The following EPN2 variants were observed in gnomAD, a reference collection of about 807,000 sequenced individuals.
EPN2 encodes epsin-2.
A neutral mutation model predicts 61.7 loss-of-function variants in EPN2; 34 were observed. That is an observed-to-expected ratio of 0.55 (90% confidence interval 0.42 to 0.73). The LOEUF is 0.73. Ranked by LOEUF, EPN2 falls within the 30% of genes least tolerant of loss-of-function variation. EPN2 has a pLI of 0.00. For synonymous variants in EPN2, 349 were observed against 353.6 expected, an observed-to-expected ratio of 0.99 and a Z score of 0.15; for missense variants, 714 against 839.2, an observed-to-expected ratio of 0.85 and a Z score of 1.84.
At chr17:19,295,968 T>TC (rs1301566854) in intron 4 of EPN2, among the ~76,000 whole-genome samples, 5 of 152,034 alleles carry the variant, frequency 3.3e-5, no homozygotes, top group African/African-American at 9.7e-5. Flanking sequence ...TAGGCAACAC[T>TC]CCAACTTGGA....
intron 1 of EPN2, among the ~76,000 whole-genome samples, chr17:19,259,919 G>A (rs2045122648): frequency 6.6e-6 from 1 of 152,232 alleles, no homozygotes; most frequent in African/African-American, 2.4e-5. Flanking sequence ...TGCTTGGAAT[G>A]TGCTTTGCCT....
At chr17:19,266,614 G>A (rs1348291234) in intron 1 of EPN2, among the ~76,000 whole-genome samples, 1 of 151,802 alleles carries the variant, frequency 6.6e-6, no homozygotes, top group African/African-American at 2.4e-5. Context: ...GTGTTAGCCA[G>A]GATGGTTTCG....
At chr17:19,263,496 A>T (rs1050488446) in intron 1 of EPN2, among the ~76,000 whole-genome samples, 2 of 152,214 alleles carry the variant, frequency 1.3e-5, no homozygotes, top group Non-Finnish European at 2.9e-5. Flanking sequence ...ATGATATTGG[A>T]ACAGAGAAGG....
At chr17:19,305,705 C>G (rs1048935203) in intron 4 of EPN2, among the ~76,000 whole-genome samples, 4 of 152,182 alleles carry the variant, frequency 2.6e-5, no homozygotes, top group Admixed American at 1.3e-4. Context: ...GTGTCTCTCC[C>G]CCAGCACAGA....
intron 1 of EPN2, among the ~76,000 whole-genome samples, chr17:19,265,101 A>C (rs2045182237): frequency 6.6e-6 from 1 of 152,076 alleles, no homozygotes; most frequent in Non-Finnish European, 1.5e-5. Flanking sequence ...AGTGACCAAG[A>C]AGGTCCGGTG....
intron 1 of EPN2, among the ~76,000 whole-genome samples, chr17:19,262,362 C>T (rs951704806): frequency 2.6e-5 from 4 of 152,044 alleles, no homozygotes; most frequent in African/African-American, 9.7e-5. Context: ...CCTGTAATCC[C>T]AGCTACTTAG....
rs1420694337 is a variant in EPN2, at chr17:19,329,802, A to G, written c.1411+155A>G. 2.0e-5 allele frequency among the ~76,000 whole-genome samples: 3 copies of G among 152,176 alleles called. No homozygotes were observed. In the East Asian group the frequency reaches 5.8e-4, roughly 29 times the overall value. ...CTGAAGTTTCTAATTCTAAGAATTC[A>G]TACATCAATAGTTAAAAATCACAAG... On this transcript the variant is annotated intron_variant, in intron 9 of 10. Transcript: ENST00000314728.
intron 1 of EPN2, among the ~76,000 whole-genome samples, chr17:19,259,176 T>C (rs2045113004): frequency 6.6e-6 from 1 of 152,250 alleles, no homozygotes. Context: ...ATAAGGCTTA[T>C]GGAAATACAA....
intron 8 of EPN2, 107 bp downstream of exon 8, chr17:19,328,994 C>T (rs986564239): frequency 1.1e-5 from 11 of 972,324 alleles, no homozygotes; most frequent in Middle Eastern, 3.3e-4. Context: ...CTTGCATTTG[C>T]TCCCCTCCTC....
rs762896459 is a variant in EPN2 at position 19,282,961 on chromosome 17, C to T, written c.-159C>T. On this transcript the variant is annotated 5_prime_UTR_variant, in exon 3 of 11. Transcript: ENST00000314728. ...TTCTCTTTCTCTAGGTCATGGCTTC[C>T]AGCTTTTCGAATCTGAGGCTCCAAA... 8.7e-5 allele frequency: 53 copies of T among 609,818 alleles called. No homozygotes were observed. Among genetic ancestry groups the T allele is most frequent in the Non-Finnish European group, 1.3e-4 (47 of 350,350 alleles). 37.8% of individuals were successfully genotyped at this position (609,818 alleles called of 1,614,324 possible). A position where few individuals can be genotyped will look rare whatever the true frequency, so the allele number is the denominator to read the frequency against.
chr17:19,283,615 A>G lies in EPN2; in HGVS notation c.496A>G (p.Ile166Val), dbSNP rs2045378412. 6.2e-7 allele frequency: 1 copy of G among 1,614,108 alleles called. No individual in the cohort carries two copies. Among genetic ancestry groups the G allele is most frequent in the Non-Finnish European group, 8.5e-7 (1 of 1,180,020 alleles). The change falls in exon 3 of 11, where the codon ATC becomes GTC. Residue 166 changes from isoleucine (I) to valine (V), a missense_variant. By Grantham distance (29) the Ile-to-Val change is conservative. This residue lies in a region of EPN2 where 304 missense variants were observed against 417.4 expected (regional missense o/e 0.73). Coordinates refer to ENST00000314728, the MANE Select transcript of EPN2 (RefSeq NM_014964.5). This position sits in a 1 kb window ranked among gnomAD's most constrained non-coding sequence, Gnocchi z 7.0. ...TGCCACTGGCATGGGCAGCAACCAG[A>G]TCACCTTTGGGCGAGGCTCCAGCCA... The part of the protein sequence containing the change: ...QVATGMGSNQ[I>V]TFGRGSSQPN...
intron 4 of EPN2, among the ~76,000 whole-genome samples, chr17:19,298,588 C>T (rs1201869039): frequency 6.6e-6 from 1 of 152,172 alleles, no homozygotes; most frequent in Non-Finnish European, 1.5e-5. Context: ...ACTGTATCTT[C>T]AAACTCCTGG....
chr17:19,300,281 G>A (rs1259353441), intron 4 of EPN2, among the ~76,000 whole-genome samples: 1 of 152,178 alleles, frequency 6.6e-6, no homozygotes, highest in Non-Finnish European at 1.5e-5. Context: ...TTAGCCCCCA[G>A]AGCCAGGGCT....
chr17:19,328,493 G>T (rs1158554178), intron 7 of EPN2, among the ~76,000 whole-genome samples: 3 of 152,112 alleles, frequency 2.0e-5, no homozygotes, highest in Non-Finnish European at 4.4e-5. Context: ...AGGTTATCCT[G>T]GGACATCCTG....
At chr17:19,286,064 C>G (rs2045401800) in intron 4 of EPN2, among the ~76,000 whole-genome samples, 1 of 152,214 alleles carries the variant, frequency 6.6e-6, no homozygotes, top group Non-Finnish European at 1.5e-5. Flanking sequence ...ATGGCCCATG[C>G]TCTCCCCATG....
intron 1 of EPN2, among the ~76,000 whole-genome samples, chr17:19,258,912 G>T (rs1443043775): frequency 6.6e-6 from 1 of 152,224 alleles, no homozygotes. Context: ...CCCACCACGT[G>T]TGTGGCCCAT....
At chr17:19,322,383 T>A (rs1300517296) in intron 7 of EPN2, among the ~76,000 whole-genome samples, 1 of 152,130 alleles carries the variant, frequency 6.6e-6, no homozygotes. Flanking sequence ...TCTCCTCCTC[T>A]CCCTCCTAGT....
chr17:19,319,754 TCTC>T (rs1277328846), intron 7 of EPN2, among the ~76,000 whole-genome samples: 2 of 151,888 alleles, frequency 1.3e-5, no homozygotes, highest in African/African-American at 4.8e-5. Flanking sequence ...TTCAAGCAGT[TCTC>T]CTGCCTCAGC....
At chr17:19,276,526 G>C (rs1483585629) in intron 1 of EPN2, 1 of 151,808 alleles carries the variant, frequency 6.6e-6, no homozygotes, top group African/African-American at 2.4e-5. Flanking sequence ...TCCTGTGACA[G>C]CTCTCTTGGA....
Sources: gnomAD v4.1 joint callset for allele counts (sites outside exome capture counted in the v4.1 genomes callset) on GRCh38, gnomAD v4.1.1 for gene constraint, gnomAD v4.1.1 regional missense constraint, Gnocchi (gnomAD v3.1) non-coding constraint, MANE v1.5 for transcripts, NCBI Gene and HGNC (gene_info 2026-07-23, HGNC 2026-07-21) for gene names.